Variants in SPPL3 observed in about 807,000 individuals in gnomAD.
SPPL3 encodes signal peptide peptidase-like 3.
Under a neutral mutation model 42.4 loss-of-function variants are expected in SPPL3, and 5 were observed. That is an observed-to-expected ratio of 0.12 (90% CI 0.06 to 0.25). SPPL3 has a LOEUF of 0.25. SPPL3 is among the 10% of genes least tolerant of loss of function. The pLI is 1.00. For synonymous variants in SPPL3, 195 were observed against 181.8 expected (o/e 1.07, Z -0.58); for missense variants, 235 against 489.0 (o/e 0.48, Z 4.90).
At chr12:120,792,592 T>C (rs1869956068) in intron 2 of SPPL3, among the ~76,000 whole-genome samples, 1 of 148,230 alleles carries the variant, frequency 6.7e-6, no homozygotes, top group African/African-American at 2.5e-5. Context: ...TCCAGCTACT[T>C]GGGAGGCTGA....
intron 1 of SPPL3, among the ~76,000 whole-genome samples, chr12:120,831,051 A>C (rs1471239528): frequency 6.6e-6 from 1 of 152,140 alleles, no homozygotes; most frequent in Non-Finnish European, 1.5e-5. Context: ...CAGAACAAAA[A>C]GGCGGAGGAA....
chr12:120,879,668 C>T (rs1873219835), intron 1 of SPPL3, among the ~76,000 whole-genome samples: 1 of 151,982 alleles, frequency 6.6e-6, no homozygotes, highest in Non-Finnish European at 1.5e-5. Context: ...CACAGAGAAC[C>T]ATTAATTGCA....
chr12:120,803,030 T>C (rs1031155987), intron 2 of SPPL3, among the ~76,000 whole-genome samples: 12 of 152,252 alleles, frequency 7.9e-5, no homozygotes, highest in African/African-American at 2.7e-4. Context: ...CATTATATCC[T>C]CTTTATGAAG....
chr12:120,810,998 G>A, intron 1 of SPPL3, 112 bp from the exon 2 acceptor site: 5 of 588,470 alleles, frequency 8.5e-6, no homozygotes, highest in Non-Finnish European at 1.4e-5. Flanking sequence ...TCTTTAAGAA[G>A]GAAAAAAGGT....
intron 2 of SPPL3, among the ~76,000 whole-genome samples, chr12:120,809,766 T>C (rs1056454219): frequency 6.6e-6 from 1 of 152,114 alleles, no homozygotes; most frequent in East Asian, 1.9e-4. Context: ...TCAGAGAGAA[T>C]ACCTGGTAAT....
intron 1 of SPPL3, among the ~76,000 whole-genome samples, chr12:120,868,511 G>T (rs578160569): frequency 1.3e-5 from 2 of 151,468 alleles, no homozygotes; most frequent in African/African-American, 4.9e-5. Context: ...ATTTTGAGAC[G>T]GATTCTCACT....
intron 6 of SPPL3, among the ~76,000 whole-genome samples, chr12:120,772,940 T>G (rs1325773422): frequency 1.3e-5 from 2 of 152,226 alleles, no homozygotes; most frequent in Non-Finnish European, 2.9e-5. Context: ...GACTTTATAA[T>G]CATATAGAAT....
chr12:120,810,009 G>A (rs1007809794), intron 2 of SPPL3, among the ~76,000 whole-genome samples: 1 of 150,638 alleles, frequency 6.6e-6, no homozygotes, highest in African/African-American at 2.5e-5. Flanking sequence ...GTCTGGCTCT[G>A]TTGCCCAAGC....
chr12:120,776,028 A>G (rs1869301567), intron 6 of SPPL3, among the ~76,000 whole-genome samples: 1 of 152,222 alleles, frequency 6.6e-6, no homozygotes, highest in Admixed American at 6.5e-5. Context: ...CATGGCTAGA[A>G]AGCCAGACTA....
At chr12:120,794,258 T>A (rs2136988377) in intron 2 of SPPL3, among the ~76,000 whole-genome samples, 1 of 145,240 alleles carries the variant, frequency 6.9e-6, no homozygotes, top group African/African-American at 2.8e-5. Flanking sequence ...TTTCCTAACC[T>A]TTTACTTTTA....
intron 9 of SPPL3, among the ~76,000 whole-genome samples, chr12:120,766,749 T>C (rs1415273095): frequency 6.6e-6 from 1 of 152,222 alleles, no homozygotes; most frequent in Non-Finnish European, 1.5e-5. Context: ...TCCACCTCTC[T>C]GAGCCTCAGC....
At chr12:120,859,181 G>GC (rs1240005849) in intron 1 of SPPL3, among the ~76,000 whole-genome samples, 1 of 151,570 alleles carries the variant, frequency 6.6e-6, no homozygotes, top group Admixed American at 6.6e-5. Context: ...GGGGTGGGGG[G>GC]CGTGGGGGTT....
chr12:120,852,718 T>TA (rs1374947032), intron 1 of SPPL3, among the ~76,000 whole-genome samples: 2 of 6,802 alleles, frequency 2.9e-4, no homozygotes, highest in Non-Finnish European at 4.5e-4. Flanking sequence ...ATGAAATATA[T>TA]TTTATATATA....
chr12:120,845,463 G>A (rs1158466612), intron 1 of SPPL3: 3 of 420,084 alleles, frequency 7.1e-6, no homozygotes, highest in East Asian at 1.2e-4. Flanking sequence ...GCCCCACACA[G>A]TGAAGCTAAT....
intron 1 of SPPL3, among the ~76,000 whole-genome samples, chr12:120,852,709 TGAAA>T (rs1470306795): frequency 4.4e-3 from 78 of 17,704 alleles, no homozygotes; most frequent in African/African-American, 5.3e-3. Context: ...TTTACATATA[TGAAA>T]TATATTTTAT....
chr12:120,846,897 G>A (rs1376000845), intron 1 of SPPL3, among the ~76,000 whole-genome samples: 3 of 152,180 alleles, frequency 2.0e-5, no homozygotes, highest in East Asian at 3.8e-4. Context: ...GTGGGAGTGT[G>A]GAGGTTTCTT....
intron 1 of SPPL3, among the ~76,000 whole-genome samples, chr12:120,833,094 C>T (rs950789786): frequency 5.9e-5 from 9 of 152,076 alleles, no homozygotes; most frequent in African/African-American, 1.9e-4. Context: ...TTGCTTCCAT[C>T]GGAGAAGGTC....
chr12:120,845,861 TC>T (rs1224254312), intron 1 of SPPL3, among the ~76,000 whole-genome samples: 2 of 32,850 alleles, frequency 6.1e-5, no homozygotes, highest in Admixed American at 6.4e-4. Context: ...GAATCCATTA[TC>T]TATCTATCTA....
chr12:120,878,621 T>C (rs1873184632), intron 1 of SPPL3, among the ~76,000 whole-genome samples: 1 of 152,240 alleles, frequency 6.6e-6, no homozygotes, highest in South Asian at 2.1e-4. Flanking sequence ...AGCTTATGTT[T>C]ATCAGTGGCA....
Sources: gnomAD v4.1 joint callset for allele counts (sites outside exome capture counted in the v4.1 genomes callset) on GRCh38, gnomAD v4.1.1 for gene constraint, MANE v1.5 for transcripts, NCBI Gene and HGNC (gene_info 2026-07-23, HGNC 2026-07-21) for gene names.